Variants in GART observed in about 807,000 individuals in gnomAD.
GART encodes phosphoribosylglycinamide formyltransferase, phosphoribosylglycinamide synthetase, phosphoribosylaminoimidazole synthetase.
A neutral mutation model predicts 107.2 loss-of-function variants in GART; 43 were observed. The observed-to-expected ratio is 0.40, with a 90% CI of 0.31 to 0.52. The LOEUF is 0.52. Among genes scored for constraint, GART ranks in the 20% least tolerant of loss-of-function variants. The pLI is 0.52. For synonymous variants in GART, 434 were observed against 427.0 expected, an observed-to-expected ratio of 1.02 and a Z score of -0.20; for missense variants, 1,107 against 1,206.5, an observed-to-expected ratio of 0.92 and a Z score of 1.22.
chr21:33,538,154 G>T (rs1406196892), intron 2 of GART, among the ~76,000 whole-genome samples: 1 of 143,244 alleles, frequency 7.0e-6, no homozygotes, highest in East Asian at 2.1e-4. Context: ...TGAGGCAGAA[G>T]AATCGCTTTA....
chr21:33,524,830 C>T lies in GART; in HGVS notation c.1237G>A (p.Glu413Lys). 1 of 1,614,234 alleles carries T rather than the reference C, an allele frequency of 6.2e-7. No homozygotes were observed. The highest frequency in any genetic ancestry group is 1.1e-5 in the South Asian group (1 of 91,090). Residue 413 changes from glutamate (E) to lysine (K), a missense_variant, in exon 11 of 22, where the codon GAG becomes AAG. Transcript: ENST00000381815. ...ACGTCTTTCCTATAAATTGCTCCCT[C>T]AAACTTTATAGCAGCTAGTCCTTTC... ...AKKGLAAIKF[E>K]GAIYRKDVGF...
chr21:33,503,957 T>C lies in GART; in HGVS notation c.*167A>G. ...GTCTCAGATATGCTGCACTAACTAG[T>C]CTTGTTTTTAGTGAGTCTCTATTTA... On this transcript the variant is annotated 3_prime_UTR_variant, in exon 22 of 22. Transcript: ENST00000381815. The C allele has an allele frequency of 1.8e-6, 1 of 555,780 alleles. No homozygotes were observed. The highest frequency in any genetic ancestry group is 2.9e-5 in the East Asian group (1 of 34,880). The allele number at this position is 555,780 out of a possible 1,614,324, so 34.4% of individuals were successfully genotyped here. A position where few individuals can be genotyped will look rare whatever the true frequency, so the allele number is the denominator to read the frequency against.
intron 1 of GART, among the ~76,000 whole-genome samples, chr21:33,541,494 G>A (rs1361730582): frequency 6.6e-6 from 1 of 152,222 alleles, no homozygotes; most frequent in Non-Finnish European, 1.5e-5. Context: ...GAATATAGCA[G>A]TAGTGTGGGA....
chr21:33,542,326 C>A (rs561790708), upstream of GART: 1 of 152,366 alleles, frequency 6.6e-6, no homozygotes, highest in Non-Finnish European at 1.5e-5. Flanking sequence ...CGGGGTGCCA[C>A]GCAGTGTTTC....
chr21:33,512,464 A>G (rs898199117), intron 16 of GART, among the ~76,000 whole-genome samples: 5 of 152,146 alleles, frequency 3.3e-5, no homozygotes, highest in African/African-American at 1.2e-4. Flanking sequence ...GATTTTTTAA[A>G]AAAACTATAC....
At position 33,534,922 on chromosome 21, in the gene GART, TAACATG is replaced by T. The variant is rs1318283939; in HGVS notation, c.242-175_242-170del. On this transcript the variant is annotated intron_variant, in intron 3 of 21. Transcript: ENST00000381815. The stretch of plus-strand genomic sequence containing the variant: ...CTACTGGATAGAGATAAAATGCTAT[TAACATG>T]TTATTCAAATCTATCAAAAGTTGTT... Among the ~76,000 whole-genome samples, 4 of 152,236 alleles carry T rather than the reference TAACATG, an allele frequency of 2.6e-5. No individual in the cohort carries two copies. The East Asian group carries it at 7.7e-4, about 29-fold the overall frequency.
At chr21:33,538,223 G>A (rs1403198660) in intron 2 of GART, among the ~76,000 whole-genome samples, 2 of 130,850 alleles carry the variant, frequency 1.5e-5, no homozygotes, top group African/African-American at 5.8e-5. Flanking sequence ...CAGTATGGGT[G>A]AGAGTGAGAC....
At chr21:33,534,536 T>C (rs775692128) in intron 4 of GART, 43 bp downstream of exon 4, 17 of 1,608,596 alleles carry the variant, frequency 1.1e-5, no homozygotes, top group African/African-American at 1.3e-5. Flanking sequence ...TATTTAAATA[T>C]CAAAACTAAA....
At chr21:33,529,009 C>A in intron 7 of GART, 72 bp from the exon 8 acceptor site, 1 of 961,772 alleles carries the variant, frequency 1.0e-6, no homozygotes, top group Non-Finnish European at 1.7e-6. Flanking sequence ...CATGGGACAA[C>A]AGAAGGGGAT....
chr21:33,524,773 G>C lies in GART; in HGVS notation c.1294C>G (p.Pro432Ala). ...CTAACTTGCTTAGAGTTTTACCTGG[G>C]CTGCTGGAGGAAAGCTATGGCACGA... ...GFRAIAFLQQ[P>A]RSLTYKESGV... is the part of the protein sequence containing the mutation. Residue 432 changes from proline to alanine, a missense_variant, in exon 11 of 22, where the codon CCC (proline) becomes GCC (alanine). Transcript: ENST00000381815. 1.2e-6 allele frequency: 2 copies of C among 1,614,202 alleles called. No individual in the cohort carries two copies. The highest frequency in any genetic ancestry group is 1.7e-6 in the Non-Finnish European group (2 of 1,180,032).
intron 2 of GART, among the ~76,000 whole-genome samples, chr21:33,538,225 G>C (rs964180566): frequency 7.8e-6 from 1 of 128,760 alleles, no homozygotes; most frequent in Non-Finnish European, 1.6e-5. Context: ...GTATGGGTGA[G>C]AGTGAGACTC....
rs2084989668 is a variant in GART, at chr21:33,522,391, G to C, written c.1299-109C>G. ...CCAAGTGATTTTCACATACCCTAAAGTGCTTAAATTTTTTTAAAGTCAGTG... is the reference window on the plus strand; with the variant it reads ...CCAAGTGATTTTCACATACCCTAAACTGCTTAAATTTTTTTAAAGTCAGTG... On this transcript the variant is annotated intron_variant, in intron 11 of 21. Transcript: ENST00000381815. The C allele has an allele frequency of 5.8e-6, 5 of 856,678 alleles. No individual in the cohort carries two copies. In the Admixed American group the frequency reaches 1.2e-4, roughly 21 times the overall value. 53.1% of individuals were successfully genotyped at this position (856,678 alleles called of 1,614,324 possible). A position where few individuals can be genotyped will look rare whatever the true frequency, so the allele number is the denominator to read the frequency against.
chr21:33,534,726 C>G lies in GART; in HGVS notation c.269G>C (p.Gly90Ala). ...TGCTGTTGGGCCAAAGCATTGCACTCCTGCAGACCTCAGGTTCCCAACAAT... is the reference window on the plus strand; with the variant it reads ...TGCTGTTGGGCCAAAGCATTGCACTGCTGCAGACCTCAGGTTCCCAACAAT... ...AGIVGNLRSAGVQCFGPTAEA... is the reference protein window; with the variant it reads ...AGIVGNLRSAAVQCFGPTAEA... The change falls in exon 4 of 22, where the codon GGA becomes GCA. Residue 90 changes from glycine to alanine, a missense_variant. Physicochemically the swap from Gly to Ala is moderately conservative, Grantham distance 60. Coordinates refer to ENST00000381815, the MANE Select transcript of GART (RefSeq NM_000819.5). 1 of 1,600,712 alleles carries G rather than the reference C, an allele frequency of 6.2e-7. No individual in the cohort carries two copies. Among genetic ancestry groups the G allele is most frequent in the Non-Finnish European group, 8.5e-7 (1 of 1,174,718 alleles).
chr21:33,521,365 C>T (rs2145715878), intron 12 of GART, among the ~76,000 whole-genome samples: 1 of 152,178 alleles, frequency 6.6e-6, no homozygotes, highest in South Asian at 2.1e-4. Flanking sequence ...GGCGTGGTGG[C>T]TCACCCCTGT....
intron 9 of GART, 39 bp downstream of exon 9, chr21:33,528,480 A>G (rs967319447): frequency 7.1e-6 from 11 of 1,555,602 alleles, no homozygotes; most frequent in Non-Finnish European, 9.7e-6. Flanking sequence ...AAAATACCAC[A>G]TATCTTCTAC....
intron 1 of GART, 86 bp from the exon 2 acceptor site, chr21:33,539,442 C>A (rs1243377873): frequency 9.7e-7 from 1 of 1,028,980 alleles, no homozygotes; most frequent in African/African-American, 1.7e-5. Flanking sequence ...CCTGTACCCC[C>A]AGCATTTTGG....
intron 2 of GART, among the ~76,000 whole-genome samples, chr21:33,537,861 T>C (rs989334262): frequency 6.6e-6 from 1 of 152,136 alleles, no homozygotes; most frequent in East Asian, 1.9e-4. Context: ...ATTCTGAGTA[T>C]TATTAGAATA....
chr21:33,517,737 AC>A (rs2084904692), intron 14 of GART, 129 bp from the exon 15 acceptor site: 10 of 920,984 alleles, frequency 1.1e-5, no homozygotes, highest in Non-Finnish European at 1.6e-5. Context: ...AAGAAAATGT[AC>A]TCTACCAGCT....
intron 16 of GART, among the ~76,000 whole-genome samples, chr21:33,514,436 A>G (rs575125189): frequency 1.2e-4 from 18 of 152,194 alleles, no homozygotes; most frequent in Non-Finnish European, 2.2e-4. Context: ...GAATATGGCT[A>G]TATCACTTTC....
Sources: gnomAD v4.1 joint callset for allele counts (sites outside exome capture counted in the v4.1 genomes callset) on GRCh38, gnomAD v4.1.1 for gene constraint, MANE v1.5 for transcripts, NCBI Gene and HGNC (gene_info 2026-07-23, HGNC 2026-07-21) for gene names.